CEP63: variants seen among roughly 807,000 people sequenced by gnomAD.
The protein encoded by CEP63 is centrosomal protein of 63 kDa.
A neutral mutation model predicts 89.1 loss-of-function variants in CEP63; 84 were observed. The ratio of observed to expected loss-of-function variants is 0.94; its 90% CI spans 0.79 to 1.13. The LOEUF (loss-of-function observed/expected upper bound fraction) is 1.13. Ranked by LOEUF, CEP63 falls within the 50% of genes most tolerant of loss-of-function variation. The pLI is 0.00. For synonymous variants in CEP63, 267 were observed against 272.5 expected, an observed-to-expected ratio of 0.98 and a Z score of 0.20; for missense variants, 838 against 813.3, an observed-to-expected ratio of 1.03 and a Z score of -0.37.
rs1266747910 is a variant in CEP63, at chr3:134,537,159, TC to T, written c.448del (p.Arg150ValfsTer12). On this transcript the variant is annotated frameshift_variant, in exon 6 of 15. Transcript: ENST00000675561. LOFTEE classifies it high-confidence loss of function. ...IERLTAKIEE[F>X]RQKSLDWEKQ... ...GTACTCTAATTGCCTCCTCAGGAAT[TC>T]CGTCAGAAATCGCTGGACTGGGAGA... 4.3e-6 allele frequency: 7 copies of T among 1,609,428 alleles called. No homozygotes were observed. Among genetic ancestry groups the T allele is most frequent in the Admixed American group, 1.7e-5 (1 of 60,008 alleles).
At chr3:134,708,199 C>G in the CEP63 span, among the ~76,000 whole-genome samples, 1 of 152,206 alleles carries the variant, frequency 6.6e-6, no homozygotes. Context: ...TCTAAGAACC[C>G]CCTGCCAATC....
the CEP63 span, chr3:134,627,730 T>C: frequency 6.2e-7 from 1 of 1,608,442 alleles, no homozygotes; most frequent in Non-Finnish European, 8.5e-7. Context: ...CTCTTGAGAA[T>C]TGTCCTGGAA....
At chr3:134,749,354 C>CGG in the CEP63 span, among the ~76,000 whole-genome samples, 2 of 152,124 alleles carry the variant, frequency 1.3e-5, no homozygotes, top group South Asian at 4.2e-4. Context: ...GGGAACTGCT[C>CGG]GGATTTTGGC....
chr3:134,550,311 G>T (rs1275692507), intron 11 of CEP63, 51 bp downstream of exon 11: 1 of 1,514,060 alleles, frequency 6.6e-7, no homozygotes, highest in Admixed American at 1.8e-5. Context: ...TTTAAAGATG[G>T]AGTTGATTAA....
downstream of CEP63, among the ~76,000 whole-genome samples, chr3:134,578,035 G>T (rs1398365922): frequency 2.0e-5 from 3 of 152,124 alleles, no homozygotes; most frequent in Non-Finnish European, 4.4e-5. Context: ...ATGGGCATTT[G>T]GGTTGGTTCC....
At chr3:134,506,500 G>C (rs775302202) in intron 2 of CEP63, among the ~76,000 whole-genome samples, 10 of 152,178 alleles carry the variant, frequency 6.6e-5, no homozygotes, top group Non-Finnish European at 1.5e-4. Flanking sequence ...TAGCAGCCTG[G>C]CTCCACAAAC....
chr3:134,767,537 T>C, the CEP63 span, among the ~76,000 whole-genome samples: 1 of 152,246 alleles, frequency 6.6e-6, no homozygotes, highest in South Asian at 2.1e-4. Flanking sequence ...CTCACAAACA[T>C]CCTATGCTCT....
At chr3:134,659,500 A>C in the CEP63 span, among the ~76,000 whole-genome samples, 2 of 152,218 alleles carry the variant, frequency 1.3e-5, no homozygotes, top group Non-Finnish European at 2.9e-5. Context: ...ATCGGTGCAC[A>C]CAGTTCCCCA....
At chr3:134,609,287 C>A in the CEP63 span, among the ~76,000 whole-genome samples, 1 of 152,198 alleles carries the variant, frequency 6.6e-6, no homozygotes, top group Non-Finnish European at 1.5e-5. Flanking sequence ...CCAGGGCCGA[C>A]TGGAGTGCTG....
At chr3:134,641,083 C>G in the CEP63 span, 2 of 152,436 alleles carry the variant, frequency 1.3e-5, no homozygotes, top group Non-Finnish European at 2.9e-5. Context: ...ACGCTCCTGC[C>G]TGGGGGCCTT....
chr3:134,626,805 C>T, the CEP63 span, among the ~76,000 whole-genome samples: 10 of 152,196 alleles, frequency 6.6e-5, no homozygotes, highest in African/African-American at 1.4e-4. Flanking sequence ...TGTCATCAAC[C>T]GCTGTGCTGT....
chr3:134,544,643 G>GGGT (rs1553774766), intron 6 of CEP63, among the ~76,000 whole-genome samples: 1 of 147,828 alleles, frequency 6.8e-6, no homozygotes, highest in Non-Finnish European at 1.5e-5. Context: ...AGGTGGGGGG[G>GGGT]GGAATTTAAA....
At chr3:134,763,966 C>T in the CEP63 span, among the ~76,000 whole-genome samples, 1 of 152,162 alleles carries the variant, frequency 6.6e-6, no homozygotes, top group Non-Finnish European at 1.5e-5. Context: ...CCTTTATACT[C>T]CCTGGGTCAT....
At chr3:134,770,824 C>T in the CEP63 span, among the ~76,000 whole-genome samples, 7 of 152,164 alleles carry the variant, frequency 4.6e-5, no homozygotes, top group Non-Finnish European at 7.3e-5. Context: ...CAGGCCCACT[C>T]CTGAGTTCTC....
the CEP63 span, among the ~76,000 whole-genome samples, chr3:134,677,728 G>A: frequency 1.3e-5 from 2 of 151,910 alleles, no homozygotes; most frequent in Non-Finnish European, 1.5e-5. Flanking sequence ...CCTCATGACT[G>A]AATCCCTTGC....
At position 134,563,614 on chromosome 3, in the gene CEP63, G is replaced by C. The variant is rs1244333422; in HGVS notation, c.*2079G>C. 4 of 152,298 alleles carry C rather than the reference G, an allele frequency of 2.6e-5. No homozygotes were observed. Among genetic ancestry groups the C allele is most frequent in the African/African-American group, 9.6e-5 (4 of 41,544 alleles). The allele number at this position is 152,298 out of a possible 1,614,324, so 9.4% of individuals were successfully genotyped here. A position where few individuals can be genotyped will look rare whatever the true frequency, so the allele number is the denominator to read the frequency against. ...ATTTTTGTATTTTTAGTAGGAACAG[G>C]GTTTCACCATGTTGGTCAGGCTGAT... is the stretch of plus-strand genomic sequence containing the variant. On this transcript the variant is annotated 3_prime_UTR_variant, in exon 15 of 15. Transcript: ENST00000675561.
intron 14 of CEP63, among the ~76,000 whole-genome samples, 169 bp downstream of exon 14, chr3:134,559,598 C>T (rs1956974405): frequency 6.6e-6 from 1 of 152,138 alleles, no homozygotes; most frequent in Non-Finnish European, 1.5e-5. Flanking sequence ...TGTGAAGACA[C>T]TTTCGGCCAA....
At chr3:134,523,176 G>T (rs1472297434) in intron 3 of CEP63, among the ~76,000 whole-genome samples, 3 of 152,120 alleles carry the variant, frequency 2.0e-5, no homozygotes, top group Non-Finnish European at 2.9e-5. Flanking sequence ...TTTTTTATAT[G>T]ATTGTTGGCT....
At chr3:134,504,592 T>C (rs950639548) in intron 2 of CEP63, among the ~76,000 whole-genome samples, 4 of 152,248 alleles carry the variant, frequency 2.6e-5, no homozygotes, top group Non-Finnish European at 1.5e-5. Context: ...AAGACCTTTT[T>C]AGGTTGAATC....
Sources: gnomAD v4.1 joint callset for allele counts (sites outside exome capture counted in the v4.1 genomes callset) on GRCh38, gnomAD v4.1.1 for gene constraint, MANE v1.5 for transcripts, NCBI Gene and HGNC (gene_info 2026-07-23, HGNC 2026-07-21) for gene names.